The following CSMD1 variants were observed in gnomAD, a reference collection of about 807,000 sequenced individuals.
CSMD1 encodes CUB and Sushi multiple domains 1.
A neutral mutation model predicts 417.5 loss-of-function variants in CSMD1; 213 were observed. That is an observed-to-expected ratio of 0.51 (90% CI 0.46 to 0.57). The LOEUF is 0.57. Ranked by LOEUF, CSMD1 falls within the 20% of genes least tolerant of loss-of-function variation. The probability of loss-of-function intolerance (pLI) is 0.00; values close to 1 mark genes in which losing one functional copy is unlikely to be tolerated. For missense variants in CSMD1, 6,923 were observed against 4,529.7 expected (o/e 1.53, Z -15.17); for synonymous variants, 2,862 against 1,736.8 (o/e 1.65, Z -16.11).
At position 4,850,224 on chromosome 8, in the gene CSMD1, T is replaced by C. The variant is rs146117291; in HGVS notation, c.85+144108A>G. ...TTTAACTGGGTTATCTGTCATTTTA[T>C]TACTGAGCTCCAAGAGTACTTTCTA... On this transcript the variant is annotated intron_variant, in intron 1 of 69. Transcript: ENST00000635120. Among the ~76,000 whole-genome samples the C allele has an allele frequency of 7.5e-3, 1,148 of 152,258 alleles. 10 individuals are homozygous for C. Among genetic ancestry groups the C allele is most frequent in the African/African-American group, 0.025 (1,056 of 41,542 alleles).
At chr8:3,908,687 C>T (rs961773002) in intron 5 of CSMD1, among the ~76,000 whole-genome samples, 2 of 149,982 alleles carry the variant, frequency 1.3e-5, no homozygotes, top group African/African-American at 4.9e-5. Context: ...TGAAACAACT[C>T]TGGTGAAGCA....
chr8:3,921,804 T>C (rs1809288898), intron 5 of CSMD1, among the ~76,000 whole-genome samples: 1 of 152,178 alleles, frequency 6.6e-6, no homozygotes. Flanking sequence ...TGGCCTAACA[T>C]ATGATCTATC....
chr8:4,514,500 T>C (rs1803008817), intron 2 of CSMD1, among the ~76,000 whole-genome samples: 1 of 152,140 alleles, frequency 6.6e-6, no homozygotes, highest in Non-Finnish European at 1.5e-5. Context: ...CACATGGGAA[T>C]CAACGAAGAG....
chr8:4,924,004 A>T (rs185829434), intron 1 of CSMD1, among the ~76,000 whole-genome samples: 45 of 152,316 alleles, frequency 3.0e-4, no homozygotes, highest in African/African-American at 1.1e-3. Flanking sequence ...TTTATAATAG[A>T]ATTCATTTTT....
rs544612260 is a variant in CSMD1, at chr8:2,952,310, G to A, written c.10040-1035C>T. On this transcript the variant is annotated intron_variant, in intron 65 of 69. Coordinates refer to ENST00000635120, the MANE Select transcript of CSMD1 (RefSeq NM_033225.6). ...TTTTTTAAAAAGTCCATTTATAGTC[G>A]CAAATAATGAGGACAAAAGTATATT... Among the ~76,000 whole-genome samples, 23 of 152,180 alleles carry A rather than the reference G, an allele frequency of 1.5e-4. No individual in the cohort carries two copies. The South Asian group carries it at 2.9e-3, about 19-fold the overall frequency.
At chr8:4,429,108 T>G (rs1223967896) in intron 2 of CSMD1, among the ~76,000 whole-genome samples, 1 of 151,802 alleles carries the variant, frequency 6.6e-6, no homozygotes, top group Non-Finnish European at 1.5e-5. Flanking sequence ...TGATTACTAC[T>G]GGTAATCAGT....
Position 3,375,100 on chromosome 8 carries a change from G to A in CSMD1, c.2783-5730C>T, listed in dbSNP as rs568209778. 4 of 152,262 alleles carry A rather than the reference G, an allele frequency of 2.6e-5. No individual in the cohort carries two copies. The South Asian group carries it at 8.3e-4, about 32-fold the overall frequency. 9.4% of individuals were successfully genotyped at this position (152,262 alleles called of 1,614,324 possible). A position where few individuals can be genotyped will look rare whatever the true frequency, so the allele number is the denominator to read the frequency against. ...CCTCCACGGTGCCCAACTGTAACTT[G>A]AAACCTGACAGCTTCCACATGTACA... On this transcript the variant is annotated intron_variant, in intron 18 of 69. Coordinates refer to ENST00000635120, the MANE Select transcript of CSMD1 (RefSeq NM_033225.6).
intron 25 of CSMD1, among the ~76,000 whole-genome samples, chr8:3,296,418 T>C (rs1164778413): frequency 2.0e-5 from 3 of 151,794 alleles, no homozygotes; most frequent in South Asian, 2.1e-4. Flanking sequence ...AATTGGATGG[T>C]GGGAGAGAGG....
At chr8:4,323,999 G>A (rs1217868153) in intron 3 of CSMD1, among the ~76,000 whole-genome samples, 1 of 152,134 alleles carries the variant, frequency 6.6e-6, no homozygotes, top group Non-Finnish European at 1.5e-5. Flanking sequence ...CTGTGATCCT[G>A]GGAATGGCAG....
chr8:4,702,725 G>C (rs186785952), intron 1 of CSMD1, among the ~76,000 whole-genome samples: 16 of 152,270 alleles, frequency 1.1e-4, no homozygotes, highest in Non-Finnish European at 2.1e-4. Flanking sequence ...CTACCGTGTA[G>C]AGTTTCTTGT....
chr8:4,906,659 C>T (rs1218395671), intron 1 of CSMD1, among the ~76,000 whole-genome samples: 1 of 152,036 alleles, frequency 6.6e-6, no homozygotes, highest in Non-Finnish European at 1.5e-5. Context: ...GGGGTTCAAG[C>T]AATTCTCCTG....
chr8:3,667,600 T>C (rs1325434379), intron 7 of CSMD1, among the ~76,000 whole-genome samples: 2 of 152,112 alleles, frequency 1.3e-5, no homozygotes, highest in Non-Finnish European at 2.9e-5. Flanking sequence ...GAGATGATTT[T>C]GTGAGTGACA....
intron 18 of CSMD1, among the ~76,000 whole-genome samples, chr8:3,377,183 G>GTT (rs375428498): frequency 2.0e-5 from 3 of 152,048 alleles, no homozygotes; most frequent in East Asian, 1.9e-4. Flanking sequence ...TAATTTTTGT[G>GTT]TTTTTTTGTG....
At chr8:4,038,693 G>T (rs566614121) in intron 3 of CSMD1, among the ~76,000 whole-genome samples, 1 of 152,238 alleles carries the variant, frequency 6.6e-6, no homozygotes, top group African/African-American at 2.4e-5. Context: ...CCTTCCCATA[G>T]ATGCTTCAAG....
intron 12 of CSMD1, among the ~76,000 whole-genome samples, chr8:3,425,839 T>C (rs995688131): frequency 1.3e-5 from 2 of 152,110 alleles, no homozygotes; most frequent in Admixed American, 6.5e-5. Context: ...GGTGAAGAAC[T>C]ATGACCTGTT....
intron 2 of CSMD1, among the ~76,000 whole-genome samples, chr8:4,431,255 A>G (rs1005435602): frequency 1.3e-5 from 2 of 152,158 alleles, no homozygotes; most frequent in Non-Finnish European, 2.9e-5. Flanking sequence ...TGGCTCAAAG[A>G]TGTTAAATAA....
chr8:4,172,030 A>C (rs1584953768), intron 3 of CSMD1, among the ~76,000 whole-genome samples: 1 of 152,198 alleles, frequency 6.6e-6, no homozygotes, highest in Non-Finnish European at 1.5e-5. Flanking sequence ...ATATTTTCAA[A>C]TAAAAGGAAA....
At chr8:4,695,374 T>A (rs190758889) in intron 1 of CSMD1, among the ~76,000 whole-genome samples, 3 of 152,328 alleles carry the variant, frequency 2.0e-5, no homozygotes, top group Admixed American at 2.0e-4. Flanking sequence ...CCTGTTCACA[T>A]GTGTTATTTA....
chr8:4,447,872 C>T (rs752299447), intron 2 of CSMD1, among the ~76,000 whole-genome samples: 2 of 152,146 alleles, frequency 1.3e-5, no homozygotes, highest in Admixed American at 6.5e-5. Context: ...AGAGGAGGCT[C>T]GACGAATGTA....
Sources: gnomAD v4.1 joint callset for allele counts (sites outside exome capture counted in the v4.1 genomes callset) on GRCh38, gnomAD v4.1.1 for gene constraint, MANE v1.5 for transcripts, NCBI Gene and HGNC (gene_info 2026-07-23, HGNC 2026-07-21) for gene names.